DPP10: variants seen among roughly 807,000 people sequenced by gnomAD.
DPP10 encodes the protein dipeptidyl peptidase like 10.
A neutral mutation model predicts 120.9 loss-of-function variants in DPP10; 33 were observed. The ratio of observed to expected loss-of-function variants is 0.27; its 90% CI spans 0.21 to 0.37. The LOEUF (loss-of-function observed/expected upper bound fraction) is 0.37, where lower values mean the gene tolerates loss of function less well. DPP10 is among the 10% of genes least tolerant of loss of function. The probability of loss-of-function intolerance (pLI) is 1.00; values close to 1 mark genes in which losing one functional copy is unlikely to be tolerated. For missense variants in DPP10, 816 were observed against 942.8 expected, an observed-to-expected ratio of 0.87 and a Z score of 1.76; for synonymous variants, 337 against 326.1, an observed-to-expected ratio of 1.03 and a Z score of -0.36.
At chr2:115,708,287 G>T (rs2092199636) in intron 7 of DPP10, among the ~76,000 whole-genome samples, 1 of 151,932 alleles carries the variant, frequency 6.6e-6, no homozygotes, top group African/African-American at 2.4e-5. Flanking sequence ...ATTTAAAGCT[G>T]AATTTAAAAA....
intron 1 of DPP10, among the ~76,000 whole-genome samples, chr2:115,137,956 A>T (rs978323154): frequency 2.6e-5 from 4 of 152,214 alleles, no homozygotes; most frequent in Admixed American, 2.6e-4. Flanking sequence ...CAGCATAAAG[A>T]CAGAGATGTT....
chr2:115,654,495 A>G (rs908187216), intron 5 of DPP10, among the ~76,000 whole-genome samples: 1 of 151,928 alleles, frequency 6.6e-6, no homozygotes, highest in Non-Finnish European at 1.5e-5. Flanking sequence ...CAAAATATAC[A>G]AAAACAGAAA....
chr2:115,353,791 A>T (rs569273564), intron 3 of DPP10, among the ~76,000 whole-genome samples: 5 of 152,174 alleles, frequency 3.3e-5, no homozygotes, highest in African/African-American at 1.2e-4. Context: ...ACTCAGTAAT[A>T]AGTTCTGGCT....
In DPP10 at chr2:115,193,631, T is replaced by A. The variant is rs759941795; in HGVS notation, c.61-115608T>A. On this transcript the variant is annotated intron_variant, in intron 1 of 25. Coordinates refer to ENST00000410059, the MANE Select transcript of DPP10 (RefSeq NM_020868.6). ...CTCATTCAGTCCAAATTTTTCCAAATGTATGGACCACTCAAAAGGCGTACT... is the reference window on the plus strand; with the variant it reads ...CTCATTCAGTCCAAATTTTTCCAAAAGTATGGACCACTCAAAAGGCGTACT... Among the ~76,000 whole-genome samples the A allele has an allele frequency of 2.6e-5, 4 of 152,208 alleles. 1 individual carries two copies. The highest frequency in any genetic ancestry group is 9.7e-5 in the African/African-American group (4 of 41,450).
At chr2:115,576,270 G>A (rs2081648934) in intron 5 of DPP10, among the ~76,000 whole-genome samples, 1 of 152,094 alleles carries the variant, frequency 6.6e-6, no homozygotes, top group African/African-American at 2.4e-5. Flanking sequence ...AAAATAAATG[G>A]AAATTTCAAC....
At chr2:115,789,683 T>C (rs1371029544) in intron 17 of DPP10, among the ~76,000 whole-genome samples, 1 of 152,070 alleles carries the variant, frequency 6.6e-6, no homozygotes, top group East Asian at 1.9e-4. Context: ...AGACATACTG[T>C]GTACAAAACA....
At chr2:115,011,904 C>T (rs546254915) in intron 1 of DPP10, among the ~76,000 whole-genome samples, 3 of 152,036 alleles carry the variant, frequency 2.0e-5, no homozygotes, top group Non-Finnish European at 2.9e-5. Flanking sequence ...GCCCTGCTCA[C>T]TGGTTGCCTG....
intron 4 of DPP10, among the ~76,000 whole-genome samples, chr2:115,509,094 G>A (rs940599499): frequency 1.3e-5 from 2 of 152,026 alleles, no homozygotes; most frequent in African/African-American, 2.4e-5. Flanking sequence ...GCGGGTCATG[G>A]TGCTAAATTT....
Position 115,843,782 on chromosome 2 carries a change from GA to G in DPP10, c.*1438del, listed in dbSNP as rs1690381437. 6.6e-6 allele frequency: 1 copy of G among 152,410 alleles called. No homozygotes were observed. The highest frequency in any genetic ancestry group is 6.5e-5 in the Admixed American group (1 of 15,282). 9.4% of individuals were successfully genotyped at this position (152,410 alleles called of 1,614,324 possible). ...ACTTCACTTAAGGGATCTTCCAGAAGATATCTAAAAGTCTGTAATAAGCTTA... is the reference window on the plus strand; with the variant it reads ...ACTTCACTTAAGGGATCTTCCAGAAGTATCTAAAAGTCTGTAATAAGCTTA... On this transcript the variant is annotated 3_prime_UTR_variant, in exon 26 of 26. Coordinates refer to ENST00000410059, the MANE Select transcript of DPP10 (RefSeq NM_020868.6).
At chr2:115,014,474 G>A (rs1702490283) in intron 1 of DPP10, among the ~76,000 whole-genome samples, 1 of 152,024 alleles carries the variant, frequency 6.6e-6, no homozygotes, top group African/African-American at 2.4e-5. Context: ...ACTAGCAGAA[G>A]ACAAGAAATC....
intron 2 of DPP10, among the ~76,000 whole-genome samples, chr2:115,323,707 T>C (rs1254749197): frequency 6.6e-6 from 1 of 152,152 alleles, no homozygotes; most frequent in African/African-American, 2.4e-5. Context: ...AAAACAACCA[T>C]TAATATTGAT....
At chr2:115,801,029 A>G (rs1243350081) in intron 19 of DPP10, among the ~76,000 whole-genome samples, 2 of 152,174 alleles carry the variant, frequency 1.3e-5, no homozygotes, top group South Asian at 4.1e-4. Flanking sequence ...CTTGGGCAGT[A>G]TGGCCATTTT....
At chr2:115,627,940 C>A (rs779376815) in intron 5 of DPP10, among the ~76,000 whole-genome samples, 6 of 152,136 alleles carry the variant, frequency 3.9e-5, no homozygotes, top group South Asian at 2.1e-4. Flanking sequence ...GGGTTGATTT[C>A]ATATCTTTGC....
At chr2:114,806,877 C>A (rs1265585144) in intron 1 of DPP10, among the ~76,000 whole-genome samples, 1 of 152,062 alleles carries the variant, frequency 6.6e-6, no homozygotes, top group African/African-American at 2.4e-5. Context: ...AACAGGAAAT[C>A]CCATTCTCTC....
At chr2:114,541,420 A>G (rs1322726457) in intron 1 of DPP10, among the ~76,000 whole-genome samples, 1 of 152,146 alleles carries the variant, frequency 6.6e-6, no homozygotes, top group East Asian at 1.9e-4. Context: ...TACCATTGTC[A>G]GGAATTCCGG....
At chr2:115,492,357 G>T (rs889793063) in intron 3 of DPP10, among the ~76,000 whole-genome samples, 1 of 152,148 alleles carries the variant, frequency 6.6e-6, no homozygotes. Context: ...ATAAAGTTTT[G>T]GGGGTATGTA....
At chr2:114,762,102 C>T (rs774667754) in intron 1 of DPP10, among the ~76,000 whole-genome samples, 1 of 152,164 alleles carries the variant, frequency 6.6e-6, no homozygotes, top group Non-Finnish European at 1.5e-5. Context: ...TGAGTCACTG[C>T]TTTTATTTGC....
chr2:114,793,593 G>A (rs991334303), intron 1 of DPP10, among the ~76,000 whole-genome samples: 5 of 152,174 alleles, frequency 3.3e-5, no homozygotes, highest in Admixed American at 3.3e-4. Flanking sequence ...GTTTAAAACA[G>A]AAAATTCCTC....
At chr2:114,580,726 T>G (rs866693649) in intron 1 of DPP10, among the ~76,000 whole-genome samples, 41 of 152,096 alleles carry the variant, frequency 2.7e-4, no homozygotes, top group African/African-American at 9.2e-4. Context: ...CATCTGTTTT[T>G]TTTTTTTTTT....
Sources: allele counts gnomAD v4.1 joint callset (sites outside exome capture counted in the v4.1 genomes callset), GRCh38; gene constraint gnomAD v4.1.1; transcripts MANE v1.5; gene names NCBI Gene and HGNC (gene_info 2026-07-23, HGNC 2026-07-21).